The following HERC3 variants were observed in gnomAD, a reference collection of about 807,000 sequenced individuals.
HERC3 encodes HECT and RLD domain containing E3 ubiquitin protein ligase 3.
HERC3 carries 58 observed loss-of-function variants against 129.9 expected under a neutral mutation model. That is an observed-to-expected ratio of 0.45 (90% CI 0.36 to 0.56). The LOEUF (loss-of-function observed/expected upper bound fraction) is 0.56. HERC3 is among the 20% of genes least tolerant of loss of function. HERC3 has a pLI of 0.00. For synonymous variants in HERC3, 430 were observed against 451.0 expected (o/e 0.95, Z 0.59); for missense variants, 835 against 1,244.2 (o/e 0.67, Z 4.95).
At chr4:88,610,027 A>G (rs1267421525) in intron 3 of HERC3, among the ~76,000 whole-genome samples, 1 of 152,164 alleles carries the variant, frequency 6.6e-6, no homozygotes, top group Non-Finnish European at 1.5e-5. Flanking sequence ...CAGTGAGGAC[A>G]ACCAGAGCTC....
At chr4:88,638,825 A>G (rs1283442365) in intron 3 of HERC3, among the ~76,000 whole-genome samples, 5 of 151,700 alleles carry the variant, frequency 3.3e-5, no homozygotes, top group Admixed American at 3.3e-4. Flanking sequence ...ACGACATGAT[A>G]CTATATTTAG....
At chr4:88,654,160 G>A in intron 7 of HERC3, 27 bp downstream of exon 7, 1 of 1,497,332 alleles carries the variant, frequency 6.7e-7, no homozygotes, top group Non-Finnish European at 9.3e-7. Context: ...ATTTTACTTT[G>A]GTGCTGGGGA....
At chr4:88,528,399 A>C in the HERC3 span, among the ~76,000 whole-genome samples, 1 of 152,172 alleles carries the variant, frequency 6.6e-6, no homozygotes, top group Non-Finnish European at 1.5e-5. Flanking sequence ...CACGTCTCTC[A>C]AGGTGGTAAC....
At chr4:88,640,971 T>C (rs141662066) in intron 3 of HERC3, among the ~76,000 whole-genome samples, 1 of 152,232 alleles carries the variant, frequency 6.6e-6, no homozygotes, top group African/African-American at 2.4e-5. Flanking sequence ...ATGATTGATA[T>C]TTATCGAACA....
At chr4:88,613,958 A>AG (rs1724628813) in intron 3 of HERC3, among the ~76,000 whole-genome samples, 3 of 124,728 alleles carry the variant, frequency 2.4e-5, no homozygotes, top group African/African-American at 1.2e-4. Flanking sequence ...AATTGATCGG[A>AG]ATTTTTTTTC....
intron 16 of HERC3, 95 bp from the exon 17 acceptor site, chr4:88,676,123 G>T (rs1351078472): frequency 6.8e-6 from 6 of 886,042 alleles, no homozygotes; most frequent in African/African-American, 3.4e-5. Context: ...TAGTCAGATT[G>T]GTTCTGTGTT....
In HERC3 at chr4:88,681,149, T is replaced by A. The variant is rs746407782; in HGVS notation, c.2341-10T>A. 1 of 1,599,724 alleles carries A rather than the reference T, an allele frequency of 6.3e-7. No individual in the cohort carries two copies. The stretch of plus-strand genomic sequence containing the variant: ...TTTCTTTTTAACACATTTGTATGTG[T>A]CCTAAAAAGTGTTTTGTAGAGCACA... On this transcript the variant is annotated splice_polypyrimidine_tract_variant and intron_variant, in intron 20 of 25. Coordinates refer to ENST00000402738, the MANE Select transcript of HERC3 (RefSeq NM_014606.3).
chr4:88,581,119 C>A, the HERC3 span, among the ~76,000 whole-genome samples: 1 of 152,010 alleles, frequency 6.6e-6, no homozygotes, highest in Non-Finnish European at 1.5e-5. Context: ...CATGAAAACT[C>A]CCCATTCTTT....
chr4:88,650,096 C>T (rs982994683), intron 4 of HERC3, 97 bp downstream of exon 4: 5 of 1,283,108 alleles, frequency 3.9e-6, no homozygotes, highest in Non-Finnish European at 4.3e-6. Context: ...CATTTAATTG[C>T]TATTTCCTTT....
chr4:88,582,917 T>C, the HERC3 span, among the ~76,000 whole-genome samples: 1 of 152,172 alleles, frequency 6.6e-6, no homozygotes, highest in Non-Finnish European at 1.5e-5. Context: ...ATGAAGAGGG[T>C]ATTTAAACTT....
At position 88,605,867 on chromosome 4, in the gene HERC3, G is replaced by A; in HGVS notation, c.44G>A (p.Ser15Asn). ...GYWSLGQPGI[S>N]TNLQGIVAEP... ...TGGTCTCTGGGCCAACCTGGTATCA[G>A]CACCAACCTGCAGGGAATTGTGGCT... The change falls in exon 3 of 26, where the codon AGC becomes AAC. Residue 15 changes from serine (S) to asparagine (N), a missense_variant. Transcript: ENST00000402738. 1 of 1,614,212 alleles carries A rather than the reference G, an allele frequency of 6.2e-7. No homozygotes were observed. Among genetic ancestry groups the A allele is most frequent in the Non-Finnish European group, 8.5e-7 (1 of 1,180,018 alleles).
chr4:88,610,280 C>G (rs1278197047), intron 3 of HERC3, among the ~76,000 whole-genome samples: 2 of 151,950 alleles, frequency 1.3e-5, no homozygotes, highest in Non-Finnish European at 2.9e-5. Context: ...TGGTGAAACC[C>G]CATCTGTACT....
chr4:88,625,661 C>T (rs1726018625), intron 3 of HERC3, among the ~76,000 whole-genome samples: 1 of 152,098 alleles, frequency 6.6e-6, no homozygotes, highest in African/African-American at 2.4e-5. Flanking sequence ...GCTTATTTCA[C>T]TCATTTGCCT....
At chr4:88,600,855 G>T (rs932233249) in intron 2 of HERC3, among the ~76,000 whole-genome samples, 1 of 152,090 alleles carries the variant, frequency 6.6e-6, no homozygotes, top group African/African-American at 2.4e-5. Flanking sequence ...CAACCTTCTT[G>T]CACCTAAGAA....
chr4:88,569,078 G>C, the HERC3 span, among the ~76,000 whole-genome samples: 3 of 152,150 alleles, frequency 2.0e-5, no homozygotes, highest in Non-Finnish European at 4.4e-5. Context: ...GCCTTTCAAA[G>C]ATATTTAAGA....
intron 6 of HERC3, 63 bp from the exon 7 acceptor site, chr4:88,653,979 A>T: frequency 1.7e-6 from 2 of 1,175,882 alleles, no homozygotes; most frequent in Non-Finnish European, 2.5e-6. Context: ...ATGCCAAGAT[A>T]GTTGTGTATA....
chr4:88,561,172 C>T, the HERC3 span, among the ~76,000 whole-genome samples: 4 of 150,644 alleles, frequency 2.7e-5, no homozygotes, highest in African/African-American at 4.8e-5. Context: ...TATGTGTGAC[C>T]GCATTGACAC....
At chr4:88,652,287 T>A (rs1370045885) in intron 5 of HERC3, among the ~76,000 whole-genome samples, 199 bp downstream of exon 5, 1 of 152,168 alleles carries the variant, frequency 6.6e-6, no homozygotes, top group Admixed American at 6.6e-5. Context: ...AAGTAGGTGG[T>A]CATCATTGCT....
chr4:88,595,328 C>G (rs1331370856), intron 1 of HERC3, among the ~76,000 whole-genome samples: 1 of 152,032 alleles, frequency 6.6e-6, no homozygotes, highest in Non-Finnish European at 1.5e-5. Context: ...ATCTATATCT[C>G]TAGTTCACTT....
Sources: gnomAD v4.1 joint callset for allele counts (sites outside exome capture counted in the v4.1 genomes callset) on GRCh38, gnomAD v4.1.1 for gene constraint, MANE v1.5 for transcripts, NCBI Gene and HGNC (gene_info 2026-07-23, HGNC 2026-07-21) for gene names.